Variants in ADAM20 observed in about 807,000 individuals in gnomAD.
The protein encoded by ADAM20 is ADAM metallopeptidase domain 20.
For missense variants in ADAM20, 871 were observed against 883.2 expected, an observed-to-expected ratio of 0.99 and a Z score of 0.18; for synonymous variants, 305 against 310.2, an observed-to-expected ratio of 0.98 and a Z score of 0.18.
chr14:70,564,007 C>T, the ADAM20 span, among the ~76,000 whole-genome samples: 1 of 152,242 alleles, frequency 6.6e-6, no homozygotes, highest in Non-Finnish European at 1.5e-5. Flanking sequence ...TCACCTCAGC[C>T]CATGACTTCT....
At chr14:70,557,488 C>T in the ADAM20 span, 1 of 152,216 alleles carries the variant, frequency 6.6e-6, no homozygotes, top group African/African-American at 2.4e-5. Flanking sequence ...TTTGCCTTGC[C>T]TCATTATCTT....
rs757171044 is a variant in ADAM20, at chr14:70,522,567, C to A, written c.*10G>T. 6.4e-7 allele frequency: 1 copy of A among 1,554,266 alleles called. No homozygotes were observed. Among genetic ancestry groups the A allele is most frequent in the South Asian group, 1.2e-5 (1 of 82,226 alleles). ...TATAAAGTTTAGTCTCCTTCTTTTT[C>A]CCATTTCTCTTATCCTTCTTCATCT... On this transcript the variant is annotated 3_prime_UTR_variant, in exon 2 of 2. Transcript: ENST00000256389.
chr14:70,574,849 C>T, the ADAM20 span, among the ~76,000 whole-genome samples: 211 of 149,518 alleles, frequency 1.4e-3, 1 homozygote, highest in East Asian at 0.046. Context: ...GTATACCATT[C>T]AACCTTAAAA....
At chr14:70,572,381 A>T in the ADAM20 span, among the ~76,000 whole-genome samples, 2 of 152,208 alleles carry the variant, frequency 1.3e-5, no homozygotes, top group Non-Finnish European at 2.9e-5. Flanking sequence ...GGTGCTGGGG[A>T]AAACTGGCTA....
chr14:70,571,688 G>C, the ADAM20 span, among the ~76,000 whole-genome samples: 16 of 152,188 alleles, frequency 1.1e-4, no homozygotes, highest in Non-Finnish European at 1.5e-5. Context: ...AAAAGAGGGA[G>C]TCAAATTATC....
At chr14:70,542,372 AG>A in the ADAM20 span, among the ~76,000 whole-genome samples, 1 of 152,212 alleles carries the variant, frequency 6.6e-6, no homozygotes, top group South Asian at 2.1e-4. Context: ...CTTTCCTTTA[AG>A]GAATCAAACT....
chr14:70,577,306 C>T, the ADAM20 span, among the ~76,000 whole-genome samples: 14 of 152,090 alleles, frequency 9.2e-5, no homozygotes, highest in Admixed American at 7.9e-4. Flanking sequence ...TGAAATACAA[C>T]ATCGGTTAAC....
upstream of ADAM20, among the ~76,000 whole-genome samples, chr14:70,535,834 TG>T (rs35062397): frequency 0.11 from 16,668 of 152,190 alleles, 1,369 homozygotes; most frequent in East Asian, 0.49. Flanking sequence ...AAAAATAAAG[TG>T]GATATACTTT....
At chr14:70,554,507 G>A in the ADAM20 span, among the ~76,000 whole-genome samples, 1 of 151,990 alleles carries the variant, frequency 6.6e-6, no homozygotes, top group Non-Finnish European at 1.5e-5. Context: ...CAGATGAATG[G>A]ATAAAGAAAT....
chr14:70,537,541 A>C (rs577495464), upstream of ADAM20, among the ~76,000 whole-genome samples: 60 of 152,324 alleles, frequency 3.9e-4, no homozygotes, highest in African/African-American at 1.4e-3. Flanking sequence ...AGTGGGACTA[A>C]GCTGGAAGAA....
intron 1 of ADAM20, among the ~76,000 whole-genome samples, chr14:70,528,346 T>C (rs925458097): frequency 1.3e-5 from 2 of 152,254 alleles, no homozygotes; most frequent in Non-Finnish European, 2.9e-5. Context: ...TTTTTAGATA[T>C]GGTTGTGAGG....
chr14:70,553,537 A>C, the ADAM20 span, among the ~76,000 whole-genome samples: 18 of 149,166 alleles, frequency 1.2e-4, no homozygotes, highest in African/African-American at 3.4e-4. Flanking sequence ...AAAAAAAAAA[A>C]AAAAAAAAAA....
At chr14:70,531,297 C>G (rs1475530670) in intron 1 of ADAM20, among the ~76,000 whole-genome samples, 1 of 152,026 alleles carries the variant, frequency 6.6e-6, no homozygotes, top group Non-Finnish European at 1.5e-5. Context: ...AAGCATTTGA[C>G]AAAATCCAAC....
rs748686512 is a variant in ADAM20, at chr14:70,523,594, A to G, written c.1164T>C (p.Thr388=). The G allele has an allele frequency of 6.2e-7, 1 of 1,614,100 alleles. No homozygotes were observed. Among genetic ancestry groups the G allele is most frequent in the Non-Finnish European group, 8.5e-7 (1 of 1,179,978 alleles). The change falls in exon 2 of 2, where the codon ACT becomes ACC. Residue 388 remains threonine, a synonymous_variant. Coordinates refer to ENST00000256389, the MANE Select transcript of ADAM20 (RefSeq NM_003814.5). ...GTTGAATACATAATCCACTACTGAT[A>G]GTACTGTCCCAATATTGGGCATAAC... ...NCSYAQYWDS[T]ISSGLCIQPP...
chr14:70,524,528 C>T lies in ADAM20; in HGVS notation c.230G>A (p.Arg77Lys). The T allele has an allele frequency of 1.2e-6, 2 of 1,614,010 alleles. No individual in the cohort carries two copies. The highest frequency in any genetic ancestry group is 1.7e-6 in the Non-Finnish European group (2 of 1,179,934). ...FGGQRYIVHM[R>K]VNKLLFAAHL... ...TGCAGCAAACAACAGCTTATTTACC[C>T]TCATGTGGACAATGTATCTCTGTCC... is the stretch of plus-strand genomic sequence containing the variant. Residue 77 changes from arginine to lysine, a missense_variant, in exon 2 of 2, where the codon AGG becomes AAG. Arg to Lys is a conservative substitution (Grantham distance 26, BLOSUM62 2). Transcript: ENST00000256389.
the ADAM20 span, chr14:70,557,416 A>G: frequency 6.6e-6 from 1 of 152,232 alleles, no homozygotes; most frequent in Non-Finnish European, 1.5e-5. Flanking sequence ...GTTCAGCTCT[A>G]TGGGGTAGTC....
upstream of ADAM20, among the ~76,000 whole-genome samples, chr14:70,539,985 C>A (rs1883911742): frequency 6.6e-6 from 1 of 152,188 alleles, no homozygotes; most frequent in Non-Finnish European, 1.5e-5. Context: ...CGCCTGGGAA[C>A]AAAGAGAGAG....
At chr14:70,562,503 T>C in the ADAM20 span, among the ~76,000 whole-genome samples, 1 of 152,186 alleles carries the variant, frequency 6.6e-6, no homozygotes, top group Non-Finnish European at 1.5e-5. Context: ...GAGAATGACA[T>C]GAGATTTGGG....
Position 70,523,593 on chromosome 14 carries a change from T to C in ADAM20, c.1165A>G (p.Ile389Val). The C allele has an allele frequency of 1.9e-6, 3 of 1,614,052 alleles. No individual in the cohort carries two copies. The highest frequency in any genetic ancestry group is 2.5e-6 in the Non-Finnish European group (3 of 1,179,974). ...CSYAQYWDST[I>V]SSGLCIQPPP... is the part of the protein sequence containing the mutation. ...GGTTGAATACATAATCCACTACTGA[T>C]AGTACTGTCCCAATATTGGGCATAA... is the stretch of plus-strand genomic sequence containing the variant. The change falls in exon 2 of 2, where the codon ATC becomes GTC. Residue 389 changes from isoleucine (I) to valine (V), a missense_variant. Physicochemically the swap from Ile to Val is conservative, Grantham distance 29 (BLOSUM62 3). Transcript: ENST00000256389.
Sources: gnomAD v4.1 joint callset for allele counts (sites outside exome capture counted in the v4.1 genomes callset) on GRCh38, gnomAD v4.1.1 for gene constraint, MANE v1.5 for transcripts, NCBI Gene and HGNC (gene_info 2026-07-23, HGNC 2026-07-21) for gene names.